KDM6A: variants seen among roughly 807,000 people sequenced by gnomAD.
KDM6A encodes the protein lysine-specific demethylase 6A.
A neutral mutation model predicts 117.6 loss-of-function variants in KDM6A; 11 were observed. That is an observed-to-expected ratio of 0.09 (90% CI 0.06 to 0.15). The LOEUF (loss-of-function observed/expected upper bound fraction) is 0.15, where lower values mean the gene tolerates loss of function less well. Ranked by LOEUF, KDM6A falls within the 10% of genes least tolerant of loss-of-function variation. The pLI is 1.00. For missense variants in KDM6A, 799 were observed against 1,077.3 expected, an observed-to-expected ratio of 0.74 and a Z score of 3.62; for synonymous variants, 384 against 396.1, an observed-to-expected ratio of 0.97 and a Z score of 0.36.
In KDM6A at chrX:45,060,148, G is replaced by A. The variant is rs2147966687; in HGVS notation, c.1321G>A (p.Ala441Thr). Residue 441 changes from alanine to threonine, a missense_variant, in exon 13 of 30, where the codon GCA (alanine) becomes ACA (threonine). By Grantham distance (58) the Ala-to-Thr change is moderately conservative (BLOSUM62 0). Transcript: ENST00000611820. ...LTSRQGAMNT[A>T]QQACKPHHPN... ...CTCCAGGCAGGGTGCCATGAACACAGCACAGCAGGTGAGAAGTTGGGTTAT... is the reference window on the plus strand; with the variant it reads ...CTCCAGGCAGGGTGCCATGAACACAACACAGCAGGTGAGAAGTTGGGTTAT... 2 of 1,211,568 alleles carry A rather than the reference G, an allele frequency of 1.7e-6. No individual in the cohort carries two copies. The highest frequency in any genetic ancestry group is 1.1e-6 in the Non-Finnish European group (1 of 895,417).
At chrX:44,937,763 T>C (rs2037061428) in intron 2 of KDM6A, among the ~76,000 whole-genome samples, 1 of 111,934 alleles carries the variant, frequency 8.9e-6, no homozygotes, top group African/African-American at 3.2e-5. Flanking sequence ...AGATCAAAGC[T>C]AGAAATGATT....
At chrX:45,005,315 G>A (rs964215133) in intron 4 of KDM6A, among the ~76,000 whole-genome samples, 1 of 110,372 alleles carries the variant, frequency 9.1e-6, no homozygotes, top group Non-Finnish European at 1.9e-5. Context: ...GGGGAAGATA[G>A]TCTAGGGGAT....
At chrX:45,061,796 G>T (rs1015886789) in intron 15 of KDM6A, among the ~76,000 whole-genome samples, 25 of 110,260 alleles carry the variant, frequency 2.3e-4, no homozygotes, top group African/African-American at 8.3e-4. Flanking sequence ...CCAGCCCTAA[G>T]TATTAATTCT....
Position 45,019,531 on chromosome X carries a change from A to G in KDM6A, c.444-1079A>G, listed in dbSNP as rs188960011. 1.2e-4 allele frequency among the ~76,000 whole-genome samples: 13 copies of G among 112,315 alleles called. No homozygotes were observed. The East Asian group carries it at 1.9e-3, about 17-fold the overall frequency. On this transcript the variant is annotated intron_variant, in intron 5 of 29. Transcript: ENST00000611820. ...AATACATGAAGTATTATTTTGCTCT[A>G]TTTTGTGGCTATGATGTTTCGAACT...
chrX:44,886,189 C>G lies in KDM6A; in HGVS notation c.225+12202C>G, dbSNP rs1016765640. 4.6e-5 allele frequency among the ~76,000 whole-genome samples: 5 copies of G among 108,687 alleles called. No individual in the cohort carries two copies. The Admixed American group carries it at 5.0e-4, about 11-fold the overall frequency. The allele number at this position is 108,687 out of a possible 115,157, so 94.4% of individuals were successfully genotyped here. A position where few individuals can be genotyped will look rare whatever the true frequency, so the allele number is the denominator to read the frequency against. Reference sequence around the variant, plus strand: ...TCTTCTGCCTCAGCCTCCCGAGTAGCTGAGATTACAGGAATGCGCCACCCT... The same window carrying G: ...TCTTCTGCCTCAGCCTCCCGAGTAGGTGAGATTACAGGAATGCGCCACCCT... On this transcript the variant is annotated intron_variant, in intron 2 of 29. Transcript: ENST00000611820.
chrX:44,913,863 A>T (rs1306690041), intron 2 of KDM6A, among the ~76,000 whole-genome samples: 1 of 111,021 alleles, frequency 9.0e-6, no homozygotes, highest in East Asian at 2.8e-4. Flanking sequence ...GCCATTCCTT[A>T]TTTGAAGATG....
intron 2 of KDM6A, among the ~76,000 whole-genome samples, chrX:44,880,658 G>C (rs919958499): frequency 1.9e-4 from 21 of 109,680 alleles, no homozygotes; most frequent in African/African-American, 6.7e-4. Context: ...CAGGCGTGGT[G>C]GTGGGCGCCT....
At chrX:45,068,823 T>TCTTTCC (rs1556327258) in intron 17 of KDM6A, among the ~76,000 whole-genome samples, 1,175 of 95,758 alleles carry the variant, frequency 0.012, 18 homozygotes, top group Middle Eastern at 0.036. Context: ...TTTCTCTTTC[T>TCTTTCC]CTTTCCCTTT....
chrX:45,023,342 A>C (rs2042243750), intron 6 of KDM6A, among the ~76,000 whole-genome samples: 1 of 111,415 alleles, frequency 9.0e-6, no homozygotes, highest in African/African-American at 3.3e-5. Flanking sequence ...GCGTATTTTC[A>C]TAATAGATTC....
chrX:44,988,012 T>C (rs1182940795), intron 4 of KDM6A, among the ~76,000 whole-genome samples: 10 of 112,034 alleles, frequency 8.9e-5, no homozygotes, highest in Admixed American at 8.5e-4. Flanking sequence ...TTTTCCAACT[T>C]GGTTCCATTC....
At chrX:44,892,304 A>G (rs2033431005) in intron 2 of KDM6A, among the ~76,000 whole-genome samples, 1 of 112,241 alleles carries the variant, frequency 8.9e-6, no homozygotes, top group African/African-American at 3.2e-5. Context: ...CACGCCTTTA[A>G]TCACAACACT....
Position 44,873,372 on chromosome X carries a change from C to CGGG in KDM6A, c.-179_-178insGGG. ...GACCCGGGGGCTCCGCAGCCCCTGCCGCCGCCGCCGCCGCCTTCACCGCCG... is the reference window on the plus strand; with the variant it reads ...GACCCGGGGGCTCCGCAGCCCCTGCCGGGGCCGCCGCCGCCGCCTTCACCGCCG... On this transcript the variant is annotated 5_prime_UTR_variant, in exon 1 of 30. Transcript: ENST00000611820. 1.7e-6 allele frequency: 1 copy of CGGG among 598,079 alleles called. No individual in the cohort carries two copies. Among genetic ancestry groups the CGGG allele is most frequent in the Non-Finnish European group, 2.5e-6 (1 of 403,371 alleles). The allele number at this position is 598,079 out of a possible 1,213,427, so 49.3% of individuals were successfully genotyped here. A position where few individuals can be genotyped will look rare whatever the true frequency, so the allele number is the denominator to read the frequency against.
chrX:44,884,345 G>A (rs748669379), intron 2 of KDM6A, among the ~76,000 whole-genome samples: 3 of 110,253 alleles, frequency 2.7e-5, no homozygotes, highest in Non-Finnish European at 3.8e-5. Flanking sequence ...AATATTACTG[G>A]CCACTGTGAG....
At chrX:44,892,885 C>T (rs934057025) in intron 2 of KDM6A, among the ~76,000 whole-genome samples, 7 of 107,236 alleles carry the variant, frequency 6.5e-5, no homozygotes, top group African/African-American at 1.0e-4. Flanking sequence ...CACCTGTAGT[C>T]GCAGCTACTT....
At chrX:45,063,360 A>C in intron 16 of KDM6A, 62 bp from the exon 17 acceptor site, 1 of 1,061,576 alleles carries the variant, frequency 9.4e-7, no homozygotes, top group Non-Finnish European at 1.3e-6. Flanking sequence ...AGAATCCCCT[A>C]TAGATTCTCT....
chrX:44,960,406 T>C (rs965178617), intron 2 of KDM6A, among the ~76,000 whole-genome samples: 2 of 111,841 alleles, frequency 1.8e-5, no homozygotes, highest in Non-Finnish European at 3.8e-5. Flanking sequence ...CCCGTGAAGA[T>C]AAAGAAACAA....
intron 24 of KDM6A, among the ~76,000 whole-genome samples, chrX:45,085,435 C>A (rs1195611709): frequency 9.0e-6 from 1 of 111,572 alleles, no homozygotes; most frequent in Non-Finnish European, 1.9e-5. Flanking sequence ...TAAGGAGCAT[C>A]TGTATTAAGC....
chrX:45,054,859 T>C (rs1373042142), intron 10 of KDM6A, among the ~76,000 whole-genome samples: 1 of 111,838 alleles, frequency 8.9e-6, no homozygotes, highest in African/African-American at 3.3e-5. Context: ...ATTTTGCCAC[T>C]CTTGCCCCGG....
chrX:44,943,605 T>C (rs565637983), intron 2 of KDM6A, among the ~76,000 whole-genome samples: 2 of 112,493 alleles, frequency 1.8e-5, no homozygotes, highest in South Asian at 7.3e-4. Context: ...GATTGACCCA[T>C]GTGTTACGTC....
Sources: gnomAD v4.1 joint callset for allele counts (sites outside exome capture counted in the v4.1 genomes callset) on GRCh38, gnomAD v4.1.1 for gene constraint, MANE v1.5 for transcripts, NCBI Gene and HGNC (gene_info 2026-07-23, HGNC 2026-07-21) for gene names.